The following XKR6 variants were observed in gnomAD, a reference collection of about 807,000 sequenced individuals.
The protein encoded by XKR6 is XK-related protein 6.
In XKR6, 22 loss-of-function variants were observed where a neutral mutation model predicts 56.7. The ratio of observed to expected loss-of-function variants is 0.39; its 90% CI spans 0.28 to 0.55. The LOEUF (loss-of-function observed/expected upper bound fraction) is 0.55, where lower values mean the gene tolerates loss of function less well. Among genes scored for constraint, XKR6 ranks in the 20% least tolerant of loss-of-function variants. XKR6 has a pLI of 0.66. For synonymous variants in XKR6, 524 were observed against 387.8 expected, an observed-to-expected ratio of 1.35 and a Z score of -4.13; for missense variants, 852 against 889.0, an observed-to-expected ratio of 0.96 and a Z score of 0.53.
chr8:11,138,055 G>T (rs17725044), intron 1 of XKR6: 14,869 of 216,068 alleles, frequency 0.069, 575 homozygotes, highest in African/African-American at 0.089. Context: ...TGTCTTCAAC[G>T]TAAACAACAT....
intron 1 of XKR6, among the ~76,000 whole-genome samples, chr8:10,945,810 C>T (rs148241391): frequency 2.6e-4 from 40 of 152,308 alleles, no homozygotes; most frequent in Admixed American, 2.0e-4. Flanking sequence ...CCTAGCGCCG[C>T]GTCTCTGCTG....
intron 2 of XKR6, among the ~76,000 whole-genome samples, chr8:10,919,752 C>G (rs564800801): frequency 6.6e-6 from 1 of 152,316 alleles, no homozygotes; most frequent in South Asian, 2.1e-4. Flanking sequence ...CCAACCCTTT[C>G]ACAACCCAGA....
intron 1 of XKR6, among the ~76,000 whole-genome samples, chr8:11,087,127 A>C (rs951084567): frequency 6.6e-6 from 1 of 152,102 alleles, no homozygotes; most frequent in Non-Finnish European, 1.5e-5. Flanking sequence ...TGTACACTCT[A>C]CAAGTCTTCC....
intron 1 of XKR6, among the ~76,000 whole-genome samples, chr8:11,167,443 A>C (rs1239095956): frequency 6.6e-6 from 1 of 152,214 alleles, no homozygotes; most frequent in Non-Finnish European, 1.5e-5. Flanking sequence ...TTCATGCTTA[A>C]AACTCAAAAC....
At chr8:11,151,709 T>G (rs765337689) in intron 1 of XKR6, among the ~76,000 whole-genome samples, 7 of 151,966 alleles carry the variant, frequency 4.6e-5, no homozygotes, top group Non-Finnish European at 8.8e-5. Context: ...TTTTTTTTTT[T>G]AATTTTCTCA....
chr8:11,097,865 A>G (rs1798320181), intron 1 of XKR6, among the ~76,000 whole-genome samples: 1 of 114,278 alleles, frequency 8.8e-6, no homozygotes, highest in Admixed American at 7.7e-5. Flanking sequence ...TACATCGTAA[A>G]TTCTACAGTT....
chr8:10,966,694 A>G (rs189357377), intron 1 of XKR6, among the ~76,000 whole-genome samples: 3 of 152,230 alleles, frequency 2.0e-5, no homozygotes, highest in African/African-American at 7.2e-5. Flanking sequence ...AAATAAATAC[A>G]TAAATAAAAA....
intron 1 of XKR6, among the ~76,000 whole-genome samples, chr8:10,974,434 A>G (rs1802494319): frequency 6.6e-6 from 1 of 152,208 alleles, no homozygotes; most frequent in Admixed American, 6.5e-5. Flanking sequence ...GCTCAGAGGG[A>G]GGCAGATGCT....
chr8:11,080,860 C>T (rs939189384), intron 1 of XKR6, among the ~76,000 whole-genome samples: 8 of 152,242 alleles, frequency 5.3e-5, no homozygotes, highest in Admixed American at 3.9e-4. Flanking sequence ...AAGCTGCCAA[C>T]CTCTTTGGAG....
At chr8:10,931,098 G>T (rs1024645326) in intron 1 of XKR6, among the ~76,000 whole-genome samples, 6 of 152,154 alleles carry the variant, frequency 3.9e-5, no homozygotes, top group Admixed American at 3.9e-4. Context: ...TCACAATACA[G>T]GGTCAGCCTG....
At chr8:11,039,064 C>T (rs1374921397) in intron 1 of XKR6, among the ~76,000 whole-genome samples, 1 of 152,072 alleles carries the variant, frequency 6.6e-6, no homozygotes, top group African/African-American at 2.4e-5. Context: ...TGGCGCAGGC[C>T]CAGTGAGAGC....
At chr8:11,035,791 G>C (rs1799125605) in intron 1 of XKR6, among the ~76,000 whole-genome samples, 1 of 152,168 alleles carries the variant, frequency 6.6e-6, no homozygotes, top group Admixed American at 6.5e-5. Flanking sequence ...AAACTGAGGA[G>C]AGGGAGGTAA....
At chr8:11,029,209 G>A (rs1798937445) in intron 1 of XKR6, among the ~76,000 whole-genome samples, 1 of 151,988 alleles carries the variant, frequency 6.6e-6, no homozygotes, top group Non-Finnish European at 1.5e-5. Context: ...TTCCTTCTGG[G>A]CTGTTGACCC....
chr8:11,181,541 C>A (rs1042220609), intron 1 of XKR6, among the ~76,000 whole-genome samples: 1 of 152,070 alleles, frequency 6.6e-6, no homozygotes, highest in South Asian at 2.1e-4. Context: ...CATTGTTAGA[C>A]CTTTATTTGG....
chr8:11,119,899 G>A (rs539230272), intron 1 of XKR6, among the ~76,000 whole-genome samples: 4 of 152,222 alleles, frequency 2.6e-5, no homozygotes, highest in East Asian at 1.9e-4. Context: ...ATCAATAAAC[G>A]TAATCCAGCA....
At chr8:10,959,224 G>A (rs1295969216) in intron 1 of XKR6, among the ~76,000 whole-genome samples, 1 of 152,166 alleles carries the variant, frequency 6.6e-6, no homozygotes, top group Non-Finnish European at 1.5e-5. Flanking sequence ...TCTATGGTGA[G>A]GCCTGGCCTG....
intron 2 of XKR6, among the ~76,000 whole-genome samples, chr8:10,907,775 T>C (rs1012224305): frequency 6.6e-6 from 1 of 152,222 alleles, no homozygotes; most frequent in Non-Finnish European, 1.5e-5. Flanking sequence ...ATCACCTCTG[T>C]GAGCATTGAC....
At chr8:11,185,939 G>C (rs115032903) in intron 1 of XKR6, among the ~76,000 whole-genome samples, 3 of 152,140 alleles carry the variant, frequency 2.0e-5, no homozygotes, top group Non-Finnish European at 2.9e-5. Context: ...TGAGCTGATC[G>C]ATGGAAACAG....
chr8:11,095,215 C>G (rs932086362), intron 1 of XKR6, among the ~76,000 whole-genome samples: 7 of 152,202 alleles, frequency 4.6e-5, no homozygotes, highest in African/African-American at 9.7e-5. Flanking sequence ...GGTTGACTTT[C>G]TTTCCCCAAA....
Sources: allele counts gnomAD v4.1 joint callset (sites outside exome capture counted in the v4.1 genomes callset), GRCh38; gene constraint gnomAD v4.1.1; transcripts MANE v1.5; gene names NCBI Gene and HGNC (gene_info 2026-07-23, HGNC 2026-07-21).